The following LONRF1 variants were observed in gnomAD, a reference collection of about 807,000 sequenced individuals.
The protein encoded by LONRF1 is LON peptidase N-terminal domain and ring finger 1.
Under a neutral mutation model 85.8 loss-of-function variants are expected in LONRF1, and 37 were observed. That is an observed-to-expected ratio of 0.43 (90% CI 0.33 to 0.57). The LOEUF (loss-of-function observed/expected upper bound fraction) is 0.57, where lower values mean the gene tolerates loss of function less well. Ranked by LOEUF, LONRF1 falls within the 20% of genes least tolerant of loss-of-function variation. LONRF1 has a pLI of 0.04. For missense variants in LONRF1, 1,036 were observed against 978.0 expected (o/e 1.06, Z -0.79); for synonymous variants, 517 against 390.1 (o/e 1.33, Z -3.83).
In LONRF1 at chr8:12,729,069, A is replaced by G. The variant is rs1233845268; in HGVS notation, c.1848-6T>C. Reference sequence around the variant, plus strand: ...TACAACCATAATCTGCAAAACTAAAAGAAAACCTTGATTAGTAACAAAGTT... The same window carrying G: ...TACAACCATAATCTGCAAAACTAAAGGAAAACCTTGATTAGTAACAAAGTT... On this transcript the variant is annotated splice_region_variant and splice_polypyrimidine_tract_variant and intron_variant, in intron 9 of 11. Transcript: ENST00000398246. 2 of 1,613,400 alleles carry G rather than the reference A, an allele frequency of 1.2e-6. No homozygotes were observed. The highest frequency in any genetic ancestry group is 2.7e-5 in the African/African-American group (2 of 74,850).
chr8:12,737,096 G>C lies in LONRF1; in HGVS notation c.1158C>G (p.Ser386Arg). 1.2e-6 allele frequency: 2 copies of C among 1,613,516 alleles called. No homozygotes were observed. The highest frequency in any genetic ancestry group is 8.5e-7 in the Non-Finnish European group (1 of 1,179,628). ...PEVTSEPVKG[S>R]LNRAQSAQSI... ...ACTGTGCTGACTGAGCACGGTTTAA[G>C]CTTCCTTTGACAGGCTCTGAAGTGA... Residue 386 changes from serine (S) to arginine (R), a missense_variant, in exon 5 of 12, where the codon AGC becomes AGG. This residue lies in a region of LONRF1 where 742 missense variants were observed against 614.4 expected (regional missense o/e 1.21). Coordinates refer to ENST00000398246, the MANE Select transcript of LONRF1 (RefSeq NM_152271.5).
At position 12,722,957 on chromosome 8, in the gene LONRF1, CAT is replaced by C; in HGVS notation, c.*137_*138del. On this transcript the variant is annotated 3_prime_UTR_variant, in exon 12 of 12. Transcript: ENST00000398246. ...TTGAAGGTATTCATTTGCAGAACCA[CAT>C]GATTCAGGAGGTCGAAGGAAAAAGA... 1 of 765,972 alleles carries C rather than the reference CAT, an allele frequency of 1.3e-6. No individual in the cohort carries two copies. Among genetic ancestry groups the C allele is most frequent in the African/African-American group, 1.7e-5 (1 of 57,628 alleles). 47.4% of individuals were successfully genotyped at this position (765,972 alleles called of 1,614,324 possible).
chr8:12,726,039 T>A (rs1320665387), intron 10 of LONRF1, 160 bp from the exon 11 acceptor site: 1 of 611,552 alleles, frequency 1.6e-6, no homozygotes, highest in East Asian at 2.8e-5. Context: ...AATACACATT[T>A]CTGTCTCATA....
At chr8:12,724,660 G>T (rs1806086125) in intron 11 of LONRF1, among the ~76,000 whole-genome samples, 1 of 152,176 alleles carries the variant, frequency 6.6e-6, no homozygotes, top group Admixed American at 6.5e-5. Flanking sequence ...GGGTGGTGAA[G>T]GTGATGGAAA....
Position 12,755,194 on chromosome 8 carries a change from C to T in LONRF1, c.227G>A (p.Arg76His). The T allele has an allele frequency of 1.5e-6, 2 of 1,295,788 alleles. No individual in the cohort carries two copies. Among genetic ancestry groups the T allele is most frequent in the Non-Finnish European group, 9.7e-7 (1 of 1,029,090 alleles). The allele number at this position is 1,295,788 out of a possible 1,614,324, so 80.3% of individuals were successfully genotyped here. ...CTCGGGCCTGGCCGGGGCCCCGCGG[C>T]GCAGCGCCGCCGCGAACGCCTCCAG... ...GALEAFAAAL[R>H]RGAPARPECL... The change falls in exon 1 of 12, where the codon CGC becomes CAC. Residue 76 changes from arginine to histidine, a missense_variant. Physicochemically the swap from Arg to His is conservative, Grantham distance 29 (BLOSUM62 0). Coordinates refer to ENST00000398246, the MANE Select transcript of LONRF1 (RefSeq NM_152271.5).
chr8:12,743,588 G>C (rs1348983538), intron 1 of LONRF1, among the ~76,000 whole-genome samples: 1 of 152,068 alleles, frequency 6.6e-6, no homozygotes, highest in Non-Finnish European at 1.5e-5. Context: ...ACAAAGGGTA[G>C]TCTATAAAGA....
intron 6 of LONRF1, among the ~76,000 whole-genome samples, chr8:12,736,195 G>A (rs1237569558): frequency 1.3e-5 from 2 of 152,084 alleles, no homozygotes; most frequent in Non-Finnish European, 2.9e-5. Flanking sequence ...TCATGTAAAT[G>A]AGAAATGTTA....
At chr8:12,754,574 G>T in intron 1 of LONRF1, 126 bp downstream of exon 1, 1 of 1,049,706 alleles carries the variant, frequency 9.5e-7, no homozygotes, top group Non-Finnish European at 1.2e-6. Flanking sequence ...GACCCGACAC[G>T]CCAGCGGCCC....
At chr8:12,739,801 C>G (rs1170172522) in intron 3 of LONRF1, among the ~76,000 whole-genome samples, 1 of 152,126 alleles carries the variant, frequency 6.6e-6, no homozygotes, top group African/African-American at 2.4e-5. Context: ...TGCAGTCTTA[C>G]CAAGAAGATA....
rs867135294 is a variant in LONRF1, at chr8:12,754,990, C to A, written c.431G>T (p.Arg144Leu). Residue 144 changes from arginine to leucine, a missense_variant, in exon 1 of 12, where the codon CGC becomes CTC. Arg to Leu is a moderately radical substitution (Grantham distance 102). Around this residue, in one of 3 missense-constraint regions of LONRF1, gnomAD observed 742 missense variants for 614.4 expected, o/e 1.21. Transcript: ENST00000398246. ...GCGGAGTTCCCTCCGCAGGCAGCGG[C>A]GGCAGTAGCTGTGGCCACAGGGCAC... The part of the protein sequence containing the change: ...VTVPCGHSYC[R>L]RCLRRELRAR... The A allele has an allele frequency of 6.7e-7, 1 of 1,491,628 alleles. No individual in the cohort carries two copies. The highest frequency in any genetic ancestry group is 8.9e-7 in the Non-Finnish European group (1 of 1,127,226). 92.4% of individuals were successfully genotyped at this position (1,491,628 alleles called of 1,614,324 possible).
intron 1 of LONRF1, among the ~76,000 whole-genome samples, chr8:12,750,279 C>G (rs1479589829): frequency 2.0e-5 from 3 of 152,182 alleles, no homozygotes; most frequent in Non-Finnish European, 4.4e-5. Flanking sequence ...TGTTTCAAGT[C>G]CTCTGCACAA....
chr8:12,743,356 C>A, intron 1 of LONRF1, 74 bp from the exon 2 acceptor site: 1 of 951,792 alleles, frequency 1.1e-6, no homozygotes, highest in Non-Finnish European at 1.6e-6. Context: ...ATGATCATAC[C>A]AGATTAAGAA....
At position 12,754,648 on chromosome 8, in the gene LONRF1, G is replaced by A. The variant is rs538704408; in HGVS notation, c.721+52C>T. 2,956 of 1,258,278 alleles carry A rather than the reference G, an allele frequency of 2.3e-3. 4 individuals carry two copies. The highest frequency in any genetic ancestry group is 2.7e-3 in the Non-Finnish European group (2,712 of 1,006,154). 77.9% of individuals were successfully genotyped at this position (1,258,278 alleles called of 1,614,324 possible). ...GACAAGCTCCGGGTCCCCGGCCCTC[G>A]GGGCCAGGAGGGTGCGGTCGGCCCG... On this transcript the variant is annotated intron_variant, in intron 1 of 11. Coordinates refer to ENST00000398246, the MANE Select transcript of LONRF1 (RefSeq NM_152271.5).
chr8:12,741,483 CAG>C (rs1798932534), intron 2 of LONRF1, among the ~76,000 whole-genome samples: 2 of 152,162 alleles, frequency 1.3e-5, no homozygotes, highest in Admixed American at 6.5e-5. Flanking sequence ...GAAGCACTAA[CAG>C]GGGAACTGAG....
chr8:12,733,290 T>C (rs960373745), intron 7 of LONRF1, among the ~76,000 whole-genome samples: 1 of 149,088 alleles, frequency 6.7e-6, no homozygotes, highest in African/African-American at 2.5e-5. Flanking sequence ...TCTAGGGAAA[T>C]ACAGCCACTC....
intron 1 of LONRF1, among the ~76,000 whole-genome samples, chr8:12,749,801 G>C (rs1214752139): frequency 2.0e-5 from 3 of 152,020 alleles, no homozygotes; most frequent in African/African-American, 7.2e-5. Flanking sequence ...ATATAGTCTC[G>C]GTTAAGTAGA....
At chr8:12,754,237 T>G (rs1409872106) in intron 1 of LONRF1, 1 of 153,852 alleles carries the variant, frequency 6.5e-6, no homozygotes, top group Non-Finnish European at 1.4e-5. Flanking sequence ...CCGGCCTAGT[T>G]GCCCTCGCGG....
At chr8:12,724,558 C>G (rs994004745) in intron 11 of LONRF1, among the ~76,000 whole-genome samples, 1 of 152,102 alleles carries the variant, frequency 6.6e-6, no homozygotes, top group Non-Finnish European at 1.5e-5. Flanking sequence ...GGGAAAATGA[C>G]GGGTGGTTGC....
intron 11 of LONRF1, among the ~76,000 whole-genome samples, chr8:12,723,963 C>T (rs1452746349): frequency 6.6e-6 from 1 of 152,144 alleles, no homozygotes; most frequent in Non-Finnish European, 1.5e-5. Context: ...CATAAAAGGA[C>T]TTGTAAGCCA....
Sources: gnomAD v4.1 joint callset for allele counts (sites outside exome capture counted in the v4.1 genomes callset) on GRCh38, gnomAD v4.1.1 for gene constraint, gnomAD v4.1.1 regional missense constraint, MANE v1.5 for transcripts, NCBI Gene and HGNC (gene_info 2026-07-23, HGNC 2026-07-21) for gene names.